The following LARGE1 variants were observed in gnomAD, a reference collection of about 807,000 sequenced individuals.
The protein encoded by LARGE1 is xylosyl- and glucuronyltransferase LARGE1.
In LARGE1, 43 loss-of-function variants were observed where a neutral mutation model predicts 87.6. The ratio of observed to expected loss-of-function variants is 0.49; its 90% CI spans 0.38 to 0.63. The LOEUF is 0.63. Among genes scored for constraint, LARGE1 ranks in the 30% least tolerant of loss-of-function variants. The pLI, the probability that LARGE1 is intolerant of heterozygous loss-of-function variation, is 0.00. For missense variants in LARGE1, 802 were observed against 1,000.2 expected, an observed-to-expected ratio of 0.80 and a Z score of 2.67; for synonymous variants, 434 against 394.6, an observed-to-expected ratio of 1.10 and a Z score of -1.18.
chr22:33,272,302 TG>T (rs1928317615), downstream of LARGE1, among the ~76,000 whole-genome samples: 1 of 152,194 alleles, frequency 6.6e-6, no homozygotes, highest in Non-Finnish European at 1.5e-5. Flanking sequence ...CCTCTGTATC[TG>T]TGTATCTGTC....
intron 1 of LARGE1, among the ~76,000 whole-genome samples, chr22:33,840,080 T>C (rs1298292505): frequency 6.6e-6 from 1 of 152,186 alleles, no homozygotes; most frequent in Non-Finnish European, 1.5e-5. Context: ...TAAGAAACTA[T>C]GTAAACCAAC....
rs779936923 is a variant in LARGE1, at chr22:33,650,577, C to T, written c.198G>A (p.Glu66=). Reference sequence around the variant, plus strand: ...CCTCCTCCACCTCGCGCATGCGCACCTCCAGGCTCTCGCGCTCCCGCTGGC... The same window carrying T: ...CCTCCTCCACCTCGCGCATGCGCACTTCCAGGCTCTCGCGCTCCCGCTGGC... The part of the protein sequence containing the change: ...ASSQRERESL[E]VRMREVEEEN... Residue 66 remains glutamate, a synonymous_variant, in exon 3 of 15, where the codon GAG becomes GAA. Coordinates refer to ENST00000397394, the MANE Select transcript of LARGE1 (RefSeq NM_133642.5). The T allele has an allele frequency of 1.2e-6, 2 of 1,606,836 alleles. No homozygotes were observed. The highest frequency in any genetic ancestry group is 3.3e-5 in the Admixed American group (2 of 60,026).
At chr22:33,528,000 T>C (rs1209276595) in intron 6 of LARGE1, among the ~76,000 whole-genome samples, 1 of 152,110 alleles carries the variant, frequency 6.6e-6, no homozygotes, top group African/African-American at 2.4e-5. Context: ...AATATTAATA[T>C]TGATCTCTCA....
intron 1 of LARGE1, among the ~76,000 whole-genome samples, chr22:33,863,594 CAAA>C (rs530225749): frequency 4.1e-5 from 5 of 122,086 alleles, no homozygotes; most frequent in African/African-American, 3.0e-5. Flanking sequence ...CCGTCTCTAC[CAAA>C]AAAAAAAAAA....
intron 11 of LARGE1, among the ~76,000 whole-genome samples, chr22:33,309,330 C>T (rs1234932601): frequency 6.6e-6 from 1 of 152,140 alleles, no homozygotes; most frequent in Non-Finnish European, 1.5e-5. Context: ...CCACAGCTGG[C>T]TAAGTTTTCT....
intron 1 of LARGE1, among the ~76,000 whole-genome samples, chr22:33,804,391 G>GCA (rs1351668011): frequency 2.0e-5 from 3 of 152,144 alleles, no homozygotes; most frequent in African/African-American, 7.2e-5. Flanking sequence ...TGGTCTTCAG[G>GCA]CACAAAGGGC....
chr22:33,497,220 T>C (rs548463155), intron 6 of LARGE1, among the ~76,000 whole-genome samples: 2 of 152,158 alleles, frequency 1.3e-5, no homozygotes, highest in South Asian at 2.1e-4. Flanking sequence ...GGACTACAAG[T>C]GCATGCCACT....
intron 2 of LARGE1, among the ~76,000 whole-genome samples, chr22:33,692,296 A>G (rs961905635): frequency 2.1e-5 from 3 of 143,038 alleles, no homozygotes; most frequent in Admixed American, 7.1e-5. Context: ...GCCTTCCCCA[A>G]TAACAGCAAC....
At chr22:33,260,826 G>C (rs1246091232) in intron 11 of LARGE1, among the ~76,000 whole-genome samples, 1 of 152,154 alleles carries the variant, frequency 6.6e-6, no homozygotes, top group African/African-American at 2.4e-5. Flanking sequence ...GCCCCTTGCA[G>C]GCTCTGGCAG....
rs7291428 is a variant in LARGE1 at position 33,768,434 on chromosome 22, G to T, written c.-82-6876C>A. Among the ~76,000 whole-genome samples the T allele has an allele frequency of 5.4e-3, 596 of 110,634 alleles. 4 individuals are homozygous for T. Among genetic ancestry groups the T allele is most frequent in the African/African-American group, 0.019 (559 of 28,704 alleles). 72.6% of individuals were successfully genotyped at this position (110,634 alleles called of 152,430 possible). A position where few individuals can be genotyped will look rare whatever the true frequency, so the allele number is the denominator to read the frequency against. On this transcript the variant is annotated intron_variant, in intron 1 of 14. Transcript: ENST00000397394. ...ACCCAAGCCACAATCCAACGCGCGC[G>T]CTCACACACACACACACACACACAC...
At chr22:33,323,150 AAAC>A (rs1936916386) in intron 10 of LARGE1, among the ~76,000 whole-genome samples, 2 of 152,188 alleles carry the variant, frequency 1.3e-5, no homozygotes, top group African/African-American at 2.4e-5. Flanking sequence ...TCAAAAACAA[AAAC>A]AACAACAAAA....
intron 2 of LARGE1, among the ~76,000 whole-genome samples, chr22:33,757,979 C>T (rs483528): frequency 0.96 from 145,580 of 152,228 alleles, 69,670 homozygotes; most frequent in East Asian, 1. Context: ...GGTCACCTTG[C>T]GTAACTGCCT....
At chr22:33,638,717 T>C (rs1399783088) in intron 3 of LARGE1, among the ~76,000 whole-genome samples, 2 of 152,220 alleles carry the variant, frequency 1.3e-5, no homozygotes, top group African/African-American at 2.4e-5. Context: ...ATCTGTCAAA[T>C]GAAGGTAAAT....
chr22:33,307,462 C>G (rs530623870), intron 11 of LARGE1, among the ~76,000 whole-genome samples: 1 of 152,264 alleles, frequency 6.6e-6, no homozygotes, highest in East Asian at 1.9e-4. Flanking sequence ...GCGTGTTCTT[C>G]TCCCGGTGTC....
In LARGE1 at chr22:33,891,016, TTCTGTGCATATGGGAAGCTGCATAC is replaced by T. The variant is rs1342557033; in HGVS notation, c.-83+28954_-83+28978del. 0.033 allele frequency among the ~76,000 whole-genome samples: 296 copies of T among 9,016 alleles called. 2 individuals carry two copies. In the African/African-American group the frequency reaches 0.34, roughly 10 times the overall value. 5.9% of individuals were successfully genotyped at this position (9,016 alleles called of 152,430 possible). On this transcript the variant is annotated intron_variant, in intron 1 of 14. Coordinates refer to ENST00000397394, the MANE Select transcript of LARGE1 (RefSeq NM_133642.5). ...CGAAGCTACCCTGGGCTCCATATGG[TTCTGTGCATATGGGAAGCTGCATAC>T]GGTTCTGTGCATATGGGAAGCTGCA... is the stretch of plus-strand genomic sequence containing the variant.
chr22:33,449,859 ATGT>A (rs977879634), intron 6 of LARGE1, among the ~76,000 whole-genome samples: 13 of 151,898 alleles, frequency 8.6e-5, no homozygotes, highest in Admixed American at 3.3e-4. Flanking sequence ...TGCGTCCCTC[ATGT>A]TTATAAACAG....
rs763878837 is a variant in LARGE1, at chr22:33,274,525, T to G, written c.2173A>C (p.Ile725Leu). 1 of 1,614,110 alleles carries G rather than the reference T, an allele frequency of 6.2e-7. No individual in the cohort carries two copies. Among genetic ancestry groups the G allele is most frequent in the Non-Finnish European group, 8.5e-7 (1 of 1,180,010 alleles). Residue 725 changes from isoleucine to leucine, a missense_variant, in exon 15 of 15, where the codon ATC becomes CTC. By Grantham distance (5) the Ile-to-Leu change is conservative. Around this residue, in one of 2 missense-constraint regions of LARGE1, gnomAD observed 625 missense variants for 841.9 expected, o/e 0.74. Transcript: ENST00000397394. ...TCTTCCTTGAGGGTTTTGAGACAGA[T>G]GCGGTATTGCTTGTTGGAACGGAAC... is the stretch of plus-strand genomic sequence containing the variant. ...TKFRSNKQYR[I>L]CLKTLKEEFQ...
At chr22:33,381,756 A>G (rs2065164917) in intron 9 of LARGE1, among the ~76,000 whole-genome samples, 163 bp downstream of exon 9, 1 of 152,134 alleles carries the variant, frequency 6.6e-6, no homozygotes, top group Non-Finnish European at 1.5e-5. Context: ...AGGGTGGAAA[A>G]AAACCAACAC....
chr22:33,353,205 A>G (rs954820302), intron 9 of LARGE1, among the ~76,000 whole-genome samples: 6 of 152,256 alleles, frequency 3.9e-5, no homozygotes, highest in Admixed American at 6.5e-5. Flanking sequence ...ATTTAAAAAC[A>G]AAGCATTCAG....
Sources: gnomAD v4.1 joint callset for allele counts (sites outside exome capture counted in the v4.1 genomes callset) on GRCh38, gnomAD v4.1.1 for gene constraint, gnomAD v4.1.1 regional missense constraint, MANE v1.5 for transcripts, NCBI Gene and HGNC (gene_info 2026-07-23, HGNC 2026-07-21) for gene names.